The following FTO variants were observed in gnomAD, a reference collection of about 807,000 sequenced individuals.
FTO encodes the protein FTO alpha-ketoglutarate dependent dioxygenase.
In FTO, 47 loss-of-function variants were observed where a neutral mutation model predicts 63.9. The ratio of observed to expected loss-of-function variants is 0.74; its 90% CI spans 0.58 to 0.94. The LOEUF is 0.94. Among genes scored for constraint, FTO ranks in the 40% least tolerant of loss-of-function variants. The pLI is 0.00. For synonymous variants in FTO, 207 were observed against 224.4 expected, an observed-to-expected ratio of 0.92 and a Z score of 0.69; for missense variants, 562 against 618.1, an observed-to-expected ratio of 0.91 and a Z score of 0.96.
chr16:54,092,005 T>A (rs2086394917), intron 8 of FTO, among the ~76,000 whole-genome samples: 2 of 152,196 alleles, frequency 1.3e-5, no homozygotes. Context: ...GGCTGGGCAC[T>A]ATAGCTTATG....
chr16:53,788,378 G>C (rs980958817), intron 1 of FTO, among the ~76,000 whole-genome samples: 1 of 151,962 alleles, frequency 6.6e-6, no homozygotes, highest in Non-Finnish European at 1.5e-5. Context: ...TGAGGTGGGC[G>C]GCTCACTTGA....
chr16:53,948,158 C>T (rs954304327), intron 8 of FTO, among the ~76,000 whole-genome samples: 5 of 151,980 alleles, frequency 3.3e-5, no homozygotes, highest in Non-Finnish European at 5.9e-5. Context: ...AGTTTTTGTA[C>T]GAAGAGTGCC....
chr16:53,904,788 C>T (rs547997953), intron 7 of FTO, among the ~76,000 whole-genome samples: 12 of 152,212 alleles, frequency 7.9e-5, no homozygotes, highest in African/African-American at 2.6e-4. Context: ...TGATGAGCCT[C>T]CTTGGCCTCT....
intron 8 of FTO, among the ~76,000 whole-genome samples, chr16:54,015,659 A>G (rs1436284273): frequency 6.6e-6 from 1 of 152,264 alleles, no homozygotes; most frequent in Middle Eastern, 3.2e-3. Context: ...GACTATTACT[A>G]TTTCCTGAGT....
At chr16:53,890,536 A>G (rs572984768) in intron 7 of FTO, among the ~76,000 whole-genome samples, 1 of 152,334 alleles carries the variant, frequency 6.6e-6, no homozygotes, top group African/African-American at 2.4e-5. Context: ...ATCAGAATCC[A>G]AAAGTCCTTG....
chr16:53,823,374 T>G (rs940932395), intron 2 of FTO, among the ~76,000 whole-genome samples: 10 of 152,154 alleles, frequency 6.6e-5, no homozygotes, highest in Admixed American at 6.5e-4. Context: ...TTGTACTGTT[T>G]CCCTAGGTGA....
intron 8 of FTO, among the ~76,000 whole-genome samples, chr16:54,023,451 A>G (rs2144164765): frequency 6.6e-6 from 1 of 152,238 alleles, no homozygotes; most frequent in South Asian, 2.1e-4. Context: ...CCTTAATGCT[A>G]TTTTGCTGCT....
chr16:53,858,129 T>G lies in FTO; in HGVS notation c.895+13831T>G, dbSNP rs890462629. On this transcript the variant is annotated intron_variant, in intron 4 of 8. Transcript: ENST00000471389. ...AATTATAAATAATATTTTCTCTTCTTTACACTTTTCTATAGTTTGCAAATT... is the reference window on the plus strand; with the variant it reads ...AATTATAAATAATATTTTCTCTTCTGTACACTTTTCTATAGTTTGCAAATT... Among the ~76,000 whole-genome samples, 4 of 152,152 alleles carry G rather than the reference T, an allele frequency of 2.6e-5. No homozygotes were observed. In the East Asian group the frequency reaches 7.7e-4, roughly 29 times the overall value.
intron 2 of FTO, among the ~76,000 whole-genome samples, chr16:53,823,994 A>G (rs1460741090): frequency 2.0e-5 from 3 of 152,198 alleles, no homozygotes; most frequent in African/African-American, 7.2e-5. Flanking sequence ...TCATCTGTCC[A>G]CTTATCTTTG....
intron 4 of FTO, among the ~76,000 whole-genome samples, chr16:53,861,794 C>A (rs531378253): frequency 6.6e-6 from 1 of 152,042 alleles, no homozygotes; most frequent in South Asian, 2.1e-4. Flanking sequence ...TCTTGGTCAG[C>A]CAAAATGTAG....
chr16:53,713,113 G>A (rs1195306412), intron 1 of FTO, among the ~76,000 whole-genome samples: 1 of 152,044 alleles, frequency 6.6e-6, no homozygotes, highest in East Asian at 1.9e-4. Context: ...AGATGGAACC[G>A]GAATTTGAAA....
At chr16:53,812,939 C>G (rs2151742984) in intron 2 of FTO, among the ~76,000 whole-genome samples, 1 of 152,310 alleles carries the variant, frequency 6.6e-6, no homozygotes, top group Admixed American at 6.5e-5. Flanking sequence ...ACTAAATTTT[C>G]ATAGCTATAA....
chr16:53,911,290 C>G, intron 7 of FTO: 2 of 678,912 alleles, frequency 2.9e-6, no homozygotes, highest in South Asian at 1.6e-5. Context: ...GTAGGGTGAC[C>G]TAGTCTGAAG....
At chr16:53,816,497 C>T (rs2078692692) in intron 2 of FTO, among the ~76,000 whole-genome samples, 1 of 58,526 alleles carries the variant, frequency 1.7e-5, no homozygotes, top group South Asian at 7.5e-4. Context: ...TGCCCACTCC[C>T]CACCCCCCCT....
At chr16:53,886,066 TG>T (rs1268219338) in intron 6 of FTO, among the ~76,000 whole-genome samples, 1 of 152,204 alleles carries the variant, frequency 6.6e-6, no homozygotes, top group Non-Finnish European at 1.5e-5. Flanking sequence ...TGATACTATC[TG>T]CCTCAAAACA....
intron 4 of FTO, among the ~76,000 whole-genome samples, chr16:53,862,509 T>C (rs2080203479): frequency 2.0e-5 from 3 of 151,976 alleles, no homozygotes; most frequent in Non-Finnish European, 2.9e-5. Flanking sequence ...AGTGTTTCTT[T>C]GATTATTCTT....
chr16:53,883,254 G>A (rs763360718), intron 6 of FTO, among the ~76,000 whole-genome samples: 30 of 152,242 alleles, frequency 2.0e-4, no homozygotes, highest in Admixed American at 1.8e-3. Context: ...TGACTGTGAT[G>A]TTTTTTACCA....
chr16:53,993,526 A>G (rs1329919137), intron 8 of FTO: 1 of 152,186 alleles, frequency 6.6e-6, no homozygotes, highest in African/African-American at 2.4e-5. Context: ...AAATACAGTG[A>G]TTTGTATTAT....
intron 5 of FTO, 124 bp from the exon 6 acceptor site, chr16:53,879,720 T>C: frequency 1.2e-6 from 1 of 847,754 alleles, no homozygotes. Flanking sequence ...AAAAGGAGTA[T>C]AGACTGAGCC....
Sources: gnomAD v4.1 joint callset for allele counts (sites outside exome capture counted in the v4.1 genomes callset) on GRCh38, gnomAD v4.1.1 for gene constraint, MANE v1.5 for transcripts, NCBI Gene and HGNC (gene_info 2026-07-23, HGNC 2026-07-21) for gene names.